Variants in MITF observed in about 807,000 individuals in gnomAD.
The protein encoded by MITF is microphthalmia-associated transcription factor.
MITF carries 17 observed loss-of-function variants against 60.5 expected under a neutral mutation model. That is an observed-to-expected ratio of 0.28 (90% CI 0.19 to 0.42). The LOEUF is 0.42. Ranked by LOEUF, MITF falls within the 10% of genes least tolerant of loss-of-function variation. The probability of loss-of-function intolerance (pLI) is 1.00; values close to 1 mark genes in which losing one functional copy is unlikely to be tolerated. For missense variants in MITF, 622 were observed against 683.5 expected (o/e 0.91, Z 1.00); for synonymous variants, 260 against 248.5 (o/e 1.05, Z -0.43).
chr3:69,747,861 G>T (rs1242628048), intron 1 of MITF, among the ~76,000 whole-genome samples: 1 of 152,066 alleles, frequency 6.6e-6, no homozygotes, highest in African/African-American at 2.4e-5. Flanking sequence ...ATAGTTTTTG[G>T]GGCTGGATTT....
At chr3:69,835,082 G>A (rs1373359100) in intron 1 of MITF, among the ~76,000 whole-genome samples, 1 of 125,554 alleles carries the variant, frequency 8.0e-6, no homozygotes, top group Non-Finnish European at 1.6e-5. Flanking sequence ...GTGATGGTAC[G>A]ATCATGGCTT....
At chr3:69,919,390 T>C (rs1268212364) in intron 2 of MITF, among the ~76,000 whole-genome samples, 1 of 152,194 alleles carries the variant, frequency 6.6e-6, no homozygotes, top group Non-Finnish European at 1.5e-5. Flanking sequence ...TTTTTCTAAG[T>C]GGTTTGCAGA....
intron 2 of MITF, among the ~76,000 whole-genome samples, chr3:69,932,294 G>A (rs1030100745): frequency 2.0e-5 from 3 of 152,204 alleles, no homozygotes; most frequent in South Asian, 4.1e-4. Context: ...CAACTAATGG[G>A]TGTGGCTGTG....
chr3:69,779,692 A>T (rs1228572377), intron 1 of MITF, among the ~76,000 whole-genome samples: 1 of 152,116 alleles, frequency 6.6e-6, no homozygotes, highest in Non-Finnish European at 1.5e-5. Context: ...GGGGTCAAAA[A>T]ATATATATAA....
chr3:69,786,430 T>A (rs971671564), intron 1 of MITF, among the ~76,000 whole-genome samples: 2 of 152,130 alleles, frequency 1.3e-5, no homozygotes, highest in Non-Finnish European at 2.9e-5. Context: ...AAGGTCTTCA[T>A]AATGTTCATA....
At chr3:69,793,919 C>A (rs2062786196) in intron 1 of MITF, among the ~76,000 whole-genome samples, 1 of 152,204 alleles carries the variant, frequency 6.6e-6, no homozygotes, top group Non-Finnish European at 1.5e-5. Context: ...TATTTTCTGG[C>A]TGTGGTGGGG....
intron 1 of MITF, among the ~76,000 whole-genome samples, chr3:69,855,685 T>TTGGTACTTCATTATGAAATTTCATAA (rs2063906494): frequency 6.6e-6 from 1 of 152,168 alleles, no homozygotes; most frequent in African/African-American, 2.4e-5. Context: ...GGAATCTCTT[T>TTGGTACTTCATTATGAAATTTCATAA]TGGTACTTCA....
intron 2 of MITF, among the ~76,000 whole-genome samples, chr3:69,912,996 G>A (rs2065256648): frequency 6.6e-6 from 1 of 152,102 alleles, no homozygotes; most frequent in Admixed American, 6.5e-5. Context: ...GGAACATTTG[G>A]TGGCTGCTTT....
At position 69,954,329 on chromosome 3, in the gene MITF, G is replaced by A. The variant is rs546799690; in HGVS notation, c.956-2126G>A. Reference sequence around the variant, plus strand: ...CAACAGTGAATAAACATAACAAATAGATCAATGGGATACATGAATATGGGA... The same window carrying A: ...CAACAGTGAATAAACATAACAAATAAATCAATGGGATACATGAATATGGGA... On this transcript the variant is annotated intron_variant, in intron 7 of 9. Transcript: ENST00000352241. 2.0e-5 allele frequency among the ~76,000 whole-genome samples: 3 copies of A among 152,298 alleles called. No homozygotes were observed. The East Asian group carries it at 5.8e-4, about 29-fold the overall frequency.
intron 2 of MITF, among the ~76,000 whole-genome samples, chr3:69,931,720 T>C (rs2065727644): frequency 6.6e-6 from 1 of 152,204 alleles, no homozygotes; most frequent in African/African-American, 2.4e-5. Flanking sequence ...ATATATTTAT[T>C]TGTGCACACC....
At chr3:69,875,006 G>A (rs1206334583) in intron 1 of MITF, among the ~76,000 whole-genome samples, 2 of 152,204 alleles carry the variant, frequency 1.3e-5, no homozygotes, top group East Asian at 3.9e-4. Context: ...GCCATCTGGT[G>A]TCTGTATACC....
At chr3:69,782,065 C>A (rs1185425143) in intron 1 of MITF, among the ~76,000 whole-genome samples, 3 of 152,188 alleles carry the variant, frequency 2.0e-5, no homozygotes, top group African/African-American at 7.2e-5. Context: ...CAACATTGTA[C>A]AACTGCAGAG....
At chr3:69,821,251 C>T (rs1020464442) in intron 1 of MITF, among the ~76,000 whole-genome samples, 2 of 152,064 alleles carry the variant, frequency 1.3e-5, no homozygotes, top group Admixed American at 6.6e-5. Flanking sequence ...AGATGCTGTG[C>T]GTAGAAAATG....
Position 69,879,139 on chromosome 3 carries a change from C to T in MITF, c.110C>T (p.Ser37Phe), listed in dbSNP as rs1221287366. 5 of 1,614,064 alleles carry T rather than the reference C, an allele frequency of 3.1e-6. No individual in the cohort carries two copies. Among genetic ancestry groups the T allele is most frequent in the Non-Finnish European group, 4.2e-6 (5 of 1,180,028 alleles). ...LKSQPLKSSS[S>F]AEHPGASKPP... The stretch of plus-strand genomic sequence containing the variant: ...GCATTTTGGTTTTCCCACAGCAGTT[C>T]CGCCGAGCATCCTGGGGCCTCCAAG... The change falls in exon 2 of 10, where the codon TCC (serine) becomes TTC (phenylalanine). Residue 37 changes from serine (S) to phenylalanine (F), a missense_variant. By Grantham distance (155) the Ser-to-Phe change is radical (BLOSUM62 -2). Around this residue, in one of 5 missense-constraint regions of MITF, gnomAD observed 149 missense variants for 157.8 expected, o/e 0.94. Coordinates refer to ENST00000352241, the MANE Select transcript of MITF (RefSeq NM_001354604.2).
intron 2 of MITF, chr3:69,936,446 C>G: frequency 2.0e-6 from 1 of 508,234 alleles, no homozygotes. Context: ...AGCATGACGT[C>G]AAGCCAGGGG....
chr3:69,894,376 A>G lies in MITF; in HGVS notation c.354+14993A>G, dbSNP rs973404119. ...GACTTCTTCCTTACATGATATGTCC[A>G]TTTAATTTTATTGGACTGCGCTGTG... On this transcript the variant is annotated intron_variant, in intron 2 of 9. Transcript: ENST00000352241. Among the ~76,000 whole-genome samples the G allele has an allele frequency of 5.9e-5, 9 of 152,296 alleles. No individual in the cohort carries two copies. In the East Asian group the frequency reaches 9.7e-4, roughly 16 times the overall value.
In MITF at chr3:69,739,504, C is replaced by T; in HGVS notation, c.-94C>T. The T allele has an allele frequency of 2.5e-6, 3 of 1,189,276 alleles. No individual in the cohort carries two copies. Among genetic ancestry groups the T allele is most frequent in the South Asian group, 1.3e-5 (1 of 76,144 alleles). 73.7% of individuals were successfully genotyped at this position (1,189,276 alleles called of 1,614,324 possible). On this transcript the variant is annotated 5_prime_UTR_variant, in exon 1 of 10. Coordinates refer to ENST00000352241, the MANE Select transcript of MITF (RefSeq NM_001354604.2). ...GGCAGAGCTCGGCACTGCGCCGGGG[C>T]GCACGGCTCGGGGGACCCAGGCCCA...
chr3:69,949,116 C>G lies in MITF; in HGVS notation c.828C>G (p.Thr276=). The G allele has an allele frequency of 6.2e-7, 1 of 1,613,740 alleles. No individual in the cohort carries two copies. The highest frequency in any genetic ancestry group is 8.5e-7 in the Non-Finnish European group (1 of 1,179,848). Residue 276 remains threonine (T), a synonymous_variant, in exon 6 of 10, where the codon ACC becomes ACG. Coordinates refer to ENST00000352241, the MANE Select transcript of MITF (RefSeq NM_001354604.2). ...GNQGLPPPGL[T]ISNSCPANLP... Reference sequence around the variant, plus strand: ...AAGGTCTGCCCCCACCAGGCCTCACCATCAGCAACTCCTGTCCAGCCAACC... The same window carrying G: ...AAGGTCTGCCCCCACCAGGCCTCACGATCAGCAACTCCTGTCCAGCCAACC...
intron 1 of MITF, among the ~76,000 whole-genome samples, chr3:69,817,394 G>A (rs893783513): frequency 2.0e-5 from 3 of 152,090 alleles, no homozygotes; most frequent in Admixed American, 1.3e-4. Context: ...ACTAGTGTAC[G>A]TATTTGAGAA....
Sources: allele counts gnomAD v4.1 joint callset (sites outside exome capture counted in the v4.1 genomes callset), GRCh38; gene constraint gnomAD v4.1.1; regional missense constraint gnomAD v4.1.1; transcripts MANE v1.5; gene names NCBI Gene and HGNC (gene_info 2026-07-23, HGNC 2026-07-21).